The following CBL variants were observed in gnomAD, a reference collection of about 807,000 sequenced individuals.
The protein encoded by CBL is E3 ubiquitin-protein ligase CBL.
A neutral mutation model predicts 96.9 loss-of-function variants in CBL; 45 were observed. The observed-to-expected ratio is 0.46, with a 90% CI of 0.37 to 0.60. The LOEUF (loss-of-function observed/expected upper bound fraction) is 0.60, where lower values mean the gene tolerates loss of function less well. CBL is among the 20% of genes least tolerant of loss of function. CBL has a pLI of 0.00. For synonymous variants in CBL, 420 were observed against 426.8 expected, an observed-to-expected ratio of 0.98 and a Z score of 0.20; for missense variants, 1,024 against 1,143.5, an observed-to-expected ratio of 0.90 and a Z score of 1.51.
rs2135297116 is a variant in CBL at position 119,271,829 on chromosome 11, C to T, written c.538C>T (p.Arg180Trp). 2.5e-6 allele frequency: 4 copies of T among 1,613,926 alleles called. No individual in the cohort carries two copies. The highest frequency in any genetic ancestry group is 2.2e-5 in the East Asian group (1 of 44,860). The change falls in exon 3 of 16, where the codon CGG becomes TGG. Residue 180 changes from arginine to tryptophan, a missense_variant. Arg to Trp is a moderately radical substitution (Grantham distance 101, BLOSUM62 -3). Coordinates refer to ENST00000264033, the MANE Select transcript of CBL (RefSeq NM_005188.4). ...PSGLFQGDTF[R>W]ITKADAAEFW... is the part of the protein sequence containing the mutation. ...TGGACTCTTTCAGGGAGACACATTT[C>T]GGATTACTAAAGCAGATGCTGCGGA...
chr11:119,277,732 A>AC lies in CBL; in HGVS notation c.1008-22dup, dbSNP rs764606836. On this transcript the variant is annotated intron_variant, in intron 6 of 15. Coordinates refer to ENST00000264033, the MANE Select transcript of CBL (RefSeq NM_005188.4). ...GCACTGGCAAATTGGCTTAAATAAA[A>AC]CCCAGGGTTGGTTACTCTTTACAGC... is the stretch of plus-strand genomic sequence containing the variant. 4.9e-5 allele frequency: 76 copies of AC among 1,564,482 alleles called. No individual in the cohort carries two copies. In the African/African-American group the frequency reaches 9.5e-4, roughly 19 times the overall value.
chr11:119,274,345 A>G (rs1422014142), intron 4 of CBL, among the ~76,000 whole-genome samples: 5 of 152,070 alleles, frequency 3.3e-5, no homozygotes, highest in African/African-American at 1.2e-4. Flanking sequence ...TAGTTTTCTG[A>G]TATTGGATAT....
At position 119,287,287 on chromosome 11, in the gene CBL, G is replaced by A. The variant is rs576393954; in HGVS notation, c.1942-565G>A. On this transcript the variant is annotated intron_variant, in intron 11 of 15. Transcript: ENST00000264033. ...ACGTGCACTGCATGCGCGTAAAAAC[G>A]AAACTTTTACCTGGCTGACTGTTGC... Among the ~76,000 whole-genome samples the A allele has an allele frequency of 1.2e-4, 18 of 152,336 alleles. No individual in the cohort carries two copies. In the South Asian group the frequency reaches 3.5e-3, roughly 30 times the overall value.
At position 119,303,752 on chromosome 11, in the gene CBL, T is replaced by C; in HGVS notation, c.*3971T>C. The stretch of plus-strand genomic sequence containing the variant: ...CTGTTTGGTGAGTTGAAAGGTAAGT[T>C]GGCTCAGAGTTGCACAGTAGGGCAT... On this transcript the variant is annotated 3_prime_UTR_variant, in exon 16 of 16. Transcript: ENST00000264033. The C allele has an allele frequency of 4.3e-6, 1 of 233,728 alleles. No homozygotes were observed. The highest frequency in any genetic ancestry group is 6.0e-5 in the East Asian group (1 of 16,592). 14.5% of individuals were successfully genotyped at this position (233,728 alleles called of 1,614,324 possible). A position where few individuals can be genotyped will look rare whatever the true frequency, so the allele number is the denominator to read the frequency against.
At chr11:119,261,355 T>C (rs1949752518) in intron 2 of CBL, among the ~76,000 whole-genome samples, 1 of 152,192 alleles carries the variant, frequency 6.6e-6, no homozygotes, top group South Asian at 2.1e-4. Flanking sequence ...GTTTATTTGT[T>C]CAGGGAAATG....
chr11:119,255,218 T>C (rs1949702498), intron 2 of CBL, among the ~76,000 whole-genome samples: 1 of 152,194 alleles, frequency 6.6e-6, no homozygotes, highest in South Asian at 2.1e-4. Flanking sequence ...AGAGACTGTG[T>C]GGAGCTTCGG....
intron 2 of CBL, among the ~76,000 whole-genome samples, chr11:119,242,683 G>A (rs1375502943): frequency 2.0e-5 from 3 of 149,814 alleles, no homozygotes; most frequent in African/African-American, 7.4e-5. Flanking sequence ...TTGAGGTGGG[G>A]AGGATCACTT....
At chr11:119,230,025 A>C (rs1034814448) in intron 1 of CBL, among the ~76,000 whole-genome samples, 1 of 152,246 alleles carries the variant, frequency 6.6e-6, no homozygotes, top group African/African-American at 2.4e-5. Context: ...ACTTGAAAAC[A>C]AAAGAAATGT....
At chr11:119,274,081 C>CTT (rs373788107) in intron 4 of CBL, 57 bp downstream of exon 4, 959 of 915,002 alleles carry the variant, frequency 1.0e-3, no homozygotes, top group East Asian at 1.7e-3. Flanking sequence ...GAAGAGAAAG[C>CTT]TTTTTTTTTT....
rs1950144628 is a variant in CBL, at chr11:119,306,656, CTG to C, written c.*6877_*6878del. 1 of 307,566 alleles carries C rather than the reference CTG, an allele frequency of 3.3e-6. No homozygotes were observed. The highest frequency in any genetic ancestry group is 6.0e-6 in the Non-Finnish European group (1 of 167,538). 19.1% of individuals were successfully genotyped at this position (307,566 alleles called of 1,614,324 possible). A position where few individuals can be genotyped will look rare whatever the true frequency, so the allele number is the denominator to read the frequency against. On this transcript the variant is annotated 3_prime_UTR_variant, in exon 16 of 16. Coordinates refer to ENST00000264033, the MANE Select transcript of CBL (RefSeq NM_005188.4). Reference sequence around the variant, plus strand: ...GAGAGGCAGAGAACTACTTATGAGTCTGTAGACCACGTGTTGTCTTCCATGGC... The same window carrying C: ...GAGAGGCAGAGAACTACTTATGAGTCTAGACCACGTGTTGTCTTCCATGGC...
intron 9 of CBL, among the ~76,000 whole-genome samples, chr11:119,281,859 T>TTGTAAG (rs1949937074): frequency 6.6e-6 from 1 of 152,178 alleles, no homozygotes; most frequent in Admixed American, 6.5e-5. Context: ...AGGGTATTTT[T>TTGTAAG]GGTTTGTTTG....
At chr11:119,292,295 T>G (rs1950032789) in intron 12 of CBL, among the ~76,000 whole-genome samples, 1 of 152,206 alleles carries the variant, frequency 6.6e-6, no homozygotes, top group African/African-American at 2.4e-5. Context: ...AGTCCCTCTT[T>G]GTCCTCCTCT....
At chr11:119,275,942 T>C in intron 5 of CBL, 55 bp from the exon 6 acceptor site, 2 of 1,550,004 alleles carry the variant, frequency 1.3e-6, no homozygotes, top group Non-Finnish European at 1.8e-6. Context: ...TTGCCTTGCC[T>C]TCCACCGTAA....
chr11:119,301,690 G>A lies in CBL; in HGVS notation c.*1909G>A, dbSNP rs1227443680. On this transcript the variant is annotated 3_prime_UTR_variant, in exon 16 of 16. Transcript: ENST00000264033. Reference sequence around the variant, plus strand: ...CGTGTTGATTTGCTGTGGTTACCCAGTGTCTTCTCTACATGGCATAAAGCG... The same window carrying A: ...CGTGTTGATTTGCTGTGGTTACCCAATGTCTTCTCTACATGGCATAAAGCG... The A allele has an allele frequency of 4.3e-6, 1 of 233,140 alleles. No homozygotes were observed. The highest frequency in any genetic ancestry group is 2.2e-5 in the African/African-American group (1 of 45,326). 14.4% of individuals were successfully genotyped at this position (233,140 alleles called of 1,614,324 possible).
At position 119,271,889 on chromosome 11, in the gene CBL, T is replaced by C. The variant is rs778931241; in HGVS notation, c.590+8T>C. The C allele has an allele frequency of 6.2e-7, 1 of 1,613,368 alleles. No individual in the cohort carries two copies. Among genetic ancestry groups the C allele is most frequent in the African/African-American group, 1.3e-5 (1 of 74,888 alleles). ...AAAAGCTTTTGGGGAAAAGTAAGTCTCAGAATAATGAATTTGAACTATGAA... is the reference window on the plus strand; with the variant it reads ...AAAAGCTTTTGGGGAAAAGTAAGTCCCAGAATAATGAATTTGAACTATGAA... On this transcript the variant is annotated splice_region_variant and intron_variant, in intron 3 of 15. Transcript: ENST00000264033.
chr11:119,289,079 A>G (rs1305963337), intron 12 of CBL, among the ~76,000 whole-genome samples: 3 of 152,286 alleles, frequency 2.0e-5, no homozygotes, highest in East Asian at 1.9e-4. Context: ...GTGGTCAGAA[A>G]CCATACTGTC....
intron 15 of CBL, among the ~76,000 whole-genome samples, chr11:119,299,046 G>A (rs1380399630): frequency 6.6e-6 from 1 of 152,206 alleles, no homozygotes; most frequent in Non-Finnish European, 1.5e-5. Context: ...ACAGACAGCT[G>A]GTGAAAAAGA....
intron 1 of CBL, among the ~76,000 whole-genome samples, chr11:119,213,585 G>C (rs1013060489): frequency 6.6e-6 from 1 of 152,116 alleles, no homozygotes; most frequent in African/African-American, 2.4e-5. Context: ...TTCTGTAATA[G>C]TAGATACTTT....
At chr11:119,207,165 A>G (rs527538216) in intron 1 of CBL, among the ~76,000 whole-genome samples, 29 of 152,206 alleles carry the variant, frequency 1.9e-4, no homozygotes, top group African/African-American at 6.7e-4. Context: ...AAGATGTAAC[A>G]CGAAGATAAA....
Sources: gnomAD v4.1 joint callset for allele counts (sites outside exome capture counted in the v4.1 genomes callset) on GRCh38, gnomAD v4.1.1 for gene constraint, MANE v1.5 for transcripts, NCBI Gene and HGNC (gene_info 2026-07-23, HGNC 2026-07-21) for gene names.